The following INF2 variants were observed in gnomAD, a reference collection of about 807,000 sequenced individuals.
INF2 encodes the protein inverted formin 2.
Under a neutral mutation model 123.5 loss-of-function variants are expected in INF2, and 43 were observed. That is an observed-to-expected ratio of 0.35 (90% CI 0.27 to 0.45). INF2 has a LOEUF of 0.45. Ranked by LOEUF, INF2 falls within the 20% of genes least tolerant of loss-of-function variation. The probability of loss-of-function intolerance (pLI) is 1.00; values close to 1 mark genes in which losing one functional copy is unlikely to be tolerated. For missense variants in INF2, 1,453 were observed against 1,682.7 expected (o/e 0.86, Z 2.39); for synonymous variants, 851 against 745.0 (o/e 1.14, Z -2.32).
upstream of INF2, chr14:104,689,218 C>T: frequency 4.1e-6 from 4 of 985,386 alleles, no homozygotes; most frequent in Non-Finnish European, 4.8e-6. Flanking sequence ...CTGGCTGGAA[C>T]GGGAGTCCCG....
intron 4 of INF2, 70 bp downstream of exon 4, chr14:104,703,524 C>T (rs929482635): frequency 3.8e-6 from 6 of 1,583,378 alleles, no homozygotes; most frequent in Non-Finnish European, 4.3e-6. Flanking sequence ...ATGCTGCATC[C>T]ACCTGGGGAG....
rs1890444431 is a variant in INF2, at chr14:104,718,914, C to T, written c.*121C>T. The T allele has an allele frequency of 1.4e-5, 21 of 1,526,108 alleles. No individual in the cohort carries two copies. Among genetic ancestry groups the T allele is most frequent in the East Asian group, 4.6e-5 (2 of 43,264 alleles). The allele number at this position is 1,526,108 out of a possible 1,614,324, so 94.5% of individuals were successfully genotyped here. A position where few individuals can be genotyped will look rare whatever the true frequency, so the allele number is the denominator to read the frequency against. ...GACTGGGCCCCGGAAACCAAAACTC[C>T]GTGCCTTACCCAGCCGGGGCCCTCC... On this transcript the variant is annotated 3_prime_UTR_variant, in exon 23 of 23. Coordinates refer to ENST00000392634, the MANE Select transcript of INF2 (RefSeq NM_022489.4).
chr14:104,682,269 C>G (rs1403006224), intron 1 of INF2, among the ~76,000 whole-genome samples: 2 of 152,188 alleles, frequency 1.3e-5, no homozygotes, highest in African/African-American at 4.8e-5. Flanking sequence ...GGGGCTGGGT[C>G]AGAGCCTTGC....
At chr14:104,708,639 G>A (rs747675543) in intron 9 of INF2, 32 bp from the exon 10 acceptor site, 12 of 1,612,622 alleles carry the variant, frequency 7.4e-6, no homozygotes, top group Admixed American at 3.3e-5. Context: ...GCCACCCTCC[G>A]GTACCAGCCT....
chr14:104,713,124 G>C, intron 18 of INF2, 83 bp from the exon 19 acceptor site: 1 of 1,604,204 alleles, frequency 6.2e-7, no homozygotes, highest in Non-Finnish European at 8.5e-7. Context: ...GCGCTGCTGC[G>C]GCTCAGGGAG....
rs1595177530 is a variant in INF2 at position 104,712,532 on chromosome 14, G to A, written c.2589G>A (p.Glu863=). The part of the protein sequence containing the change: ...KVSASVAEVQ[E]QYTERLQASI... ...CTGCCTCCGTGGCCGAGGTCCAGGA[G>A]CAGTACACCGAGCGCCTCCAGGCAA... is the stretch of plus-strand genomic sequence containing the variant. The change falls in exon 17 of 23, where the codon GAG becomes GAA. Residue 863 remains glutamate (E), a synonymous_variant. Transcript: ENST00000392634. 6.2e-7 allele frequency: 1 copy of A among 1,612,700 alleles called. No homozygotes were observed. The highest frequency in any genetic ancestry group is 8.5e-7 in the Non-Finnish European group (1 of 1,179,822).
At chr14:104,713,153 G>A (rs1357611453) in intron 18 of INF2, 54 bp from the exon 19 acceptor site, 1 of 1,585,850 alleles carries the variant, frequency 6.3e-7, no homozygotes, top group Non-Finnish European at 8.6e-7. Context: ...CCAGGCCCAT[G>A]GAGCCCCTGA....
chr14:104,709,610 C>T lies in INF2; in HGVS notation c.2053-10C>T, dbSNP rs1432993934. Reference sequence around the variant, plus strand: ...TGGGGGGATCCCACATGCCGTTCTCCTCCTGGCAGATTGAAAACCTGCGGG... The same window carrying T: ...TGGGGGGATCCCACATGCCGTTCTCTTCCTGGCAGATTGAAAACCTGCGGG... On this transcript the variant is annotated splice_polypyrimidine_tract_variant and intron_variant, in intron 11 of 22. Coordinates refer to ENST00000392634, the MANE Select transcript of INF2 (RefSeq NM_022489.4). 2.5e-6 allele frequency: 4 copies of T among 1,611,688 alleles called. No individual in the cohort carries two copies. The highest frequency in any genetic ancestry group is 2.7e-5 in the African/African-American group (2 of 74,892).
chr14:104,715,294 T>G lies in INF2; in HGVS notation c.3705T>G (p.Pro1235=). The G allele has an allele frequency of 6.2e-7, 1 of 1,613,578 alleles. No homozygotes were observed. The highest frequency in any genetic ancestry group is 8.5e-7 in the Non-Finnish European group (1 of 1,179,758). The change falls in exon 22 of 23, where the codon CCT becomes CCG. Residue 1235 remains proline (P), a synonymous_variant. Transcript: ENST00000392634. ...TTTATTTGGAAGCAGAGGTTCCCCC[T>G]GATTCTGATGATAATAAAACAAAGA... ...RPSRSQEEVP[P]DSDDNKTKKL...
chr14:104,708,197 CTGAG>C, intron 8 of INF2, 195 bp downstream of exon 8: 1 of 927,926 alleles, frequency 1.1e-6, no homozygotes, highest in Non-Finnish European at 1.6e-6. Context: ...GGGGCTACCT[CTGAG>C]GACCCCCCTC....
chr14:104,690,627 C>G (rs1888898978), intron 1 of INF2: 1 of 152,586 alleles, frequency 6.6e-6, no homozygotes, highest in Admixed American at 6.5e-5. Context: ...CAGGCACACC[C>G]AGAAGGCGCT....
chr14:104,697,765 G>C (rs1243240400), intron 1 of INF2, among the ~76,000 whole-genome samples: 2 of 152,260 alleles, frequency 1.3e-5, no homozygotes, highest in Non-Finnish European at 2.9e-5. Flanking sequence ...GTTGACAAAA[G>C]CAAGTGCTGA....
chr14:104,717,463 C>T (rs1890365496), intron 22 of INF2: 1 of 152,320 alleles, frequency 6.6e-6, no homozygotes, highest in Non-Finnish European at 1.5e-5. Context: ...CCCAATAATT[C>T]CTTCTCTAGT....
At chr14:104,716,117 C>G (rs1890289956) in intron 22 of INF2, 2 of 365,088 alleles carry the variant, frequency 5.5e-6, no homozygotes, top group South Asian at 4.1e-5. Flanking sequence ...AAGGTCCAGC[C>G]CGGCCGATCA....
intron 4 of INF2, among the ~76,000 whole-genome samples, 177 bp downstream of exon 4, chr14:104,703,631 C>T (rs1019267679): frequency 1.4e-4 from 22 of 152,230 alleles, no homozygotes; most frequent in African/African-American, 4.6e-4. Flanking sequence ...ACACAGGCCT[C>T]AGAACGCCTG....
chr14:104,701,260 A>G, intron 1 of INF2, 97 bp from the exon 2 acceptor site: 1 of 1,359,242 alleles, frequency 7.4e-7, no homozygotes, highest in Non-Finnish European at 1.0e-6. Flanking sequence ...TGCAGCAGAG[A>G]AACTGAGACC....
rs920205136 is a variant in INF2 at position 104,684,449 on chromosome 14, C to T, written c.-104+2867C>T. On this transcript the variant is annotated intron_variant, in intron 1 of 2. Transcript: ENST00000674723. The surrounding 1 kb of genome is among the most constrained non-coding windows in gnomAD (Gnocchi z 5.0). ...CATGAGTGAACGATGCACACCACCGCGTGGATGAGTCTCAGAGACTGTGGA... is the reference window on the plus strand; with the variant it reads ...CATGAGTGAACGATGCACACCACCGTGTGGATGAGTCTCAGAGACTGTGGA... 1 of 235,816 alleles carries T rather than the reference C, an allele frequency of 4.2e-6. No homozygotes were observed. The highest frequency in any genetic ancestry group is 8.5e-6 in the Non-Finnish European group (1 of 117,754). The allele number at this position is 235,816 out of a possible 1,614,324, so 14.6% of individuals were successfully genotyped here.
rs1292425196 is a variant in INF2, at chr14:104,709,720, C to T, written c.2138+15C>T. 2 of 1,609,030 alleles carry T rather than the reference C, an allele frequency of 1.2e-6. No individual in the cohort carries two copies. The highest frequency in any genetic ancestry group is 1.3e-5 in the African/African-American group (1 of 74,872). On this transcript the variant is annotated intron_variant, in intron 12 of 22. Coordinates refer to ENST00000392634, the MANE Select transcript of INF2 (RefSeq NM_022489.4). ...GCCATTCCCTGGTGAGCATGGCCGC[C>T]CTCAGACCCCAGGGCCTGGGCCCCA...
intron 22 of INF2, among the ~76,000 whole-genome samples, chr14:104,716,603 A>G (rs1416305987): frequency 1.3e-5 from 2 of 152,184 alleles, no homozygotes; most frequent in African/African-American, 2.4e-5. Context: ...TGAACCTGCT[A>G]CACGTGCTTA....
Sources: allele counts gnomAD v4.1 joint callset (sites outside exome capture counted in the v4.1 genomes callset), GRCh38; gene constraint gnomAD v4.1.1; non-coding constraint Gnocchi (gnomAD v3.1); transcripts MANE v1.5; gene names NCBI Gene and HGNC (gene_info 2026-07-23, HGNC 2026-07-21).